BRF1: variants seen among roughly 807,000 people sequenced by gnomAD.
BRF1 encodes the protein BRF1 general transcription factor IIIB subunit.
Under a neutral mutation model 81.7 loss-of-function variants are expected in BRF1, and 59 were observed. The observed-to-expected ratio is 0.72, with a 90% confidence interval of 0.59 to 0.90. The LOEUF is 0.90. BRF1 is among the 40% of genes least tolerant of loss of function. BRF1 has a pLI of 0.00. For missense variants in BRF1, 1,050 were observed against 936.3 expected (o/e 1.12, Z -1.58); for synonymous variants, 491 against 395.6 (o/e 1.24, Z -2.86).
Position 105,219,252 on chromosome 14 carries a change from T to C in BRF1, c.1378-20A>G. 2 of 1,608,150 alleles carry C rather than the reference T, an allele frequency of 1.2e-6. No homozygotes were observed. The highest frequency in any genetic ancestry group is 1.3e-5 in the African/African-American group (1 of 74,934). ...GATGTACTGGGCGAGCACAGGGAAG[T>C]GGGGCTGGCTTTTAGCCTTCGCACA... is the stretch of plus-strand genomic sequence containing the variant. On this transcript the variant is annotated intron_variant, in intron 12 of 17. Coordinates refer to ENST00000547530, the MANE Select transcript of BRF1 (RefSeq NM_001519.4).
At chr14:105,245,885 C>A (rs1244072666) in intron 5 of BRF1, among the ~76,000 whole-genome samples, 2 of 152,140 alleles carry the variant, frequency 1.3e-5, no homozygotes, top group African/African-American at 4.8e-5. Flanking sequence ...AACATGACAC[C>A]AACAGCAAGG....
chr14:105,296,811 A>C (rs587741262), intron 1 of BRF1, among the ~76,000 whole-genome samples: 3 of 152,326 alleles, frequency 2.0e-5, no homozygotes, highest in Admixed American at 6.5e-5. Flanking sequence ...AACTAAATTA[A>C]AAAAATTCCA....
intron 2 of BRF1, 128 bp downstream of exon 2, chr14:105,286,168 G>T: frequency 9.5e-7 from 1 of 1,055,666 alleles, no homozygotes; most frequent in Non-Finnish European, 1.4e-6. Context: ...CCTGGGCTGG[G>T]CGTGCAGGGT....
upstream of BRF1, chr14:105,301,081 G>C (rs1002183523): frequency 6.6e-6 from 1 of 151,678 alleles, no homozygotes; most frequent in Non-Finnish European, 1.5e-5. Flanking sequence ...GCGACACCGG[G>C]GACTAGAGCT....
At chr14:105,248,809 C>T in intron 5 of BRF1, 2 of 984,136 alleles carry the variant, frequency 2.0e-6, no homozygotes, top group Non-Finnish European at 2.4e-6. Flanking sequence ...CGGCGCGGCG[C>T]GAGGGCGCGG....
At chr14:105,261,303 C>T (rs1239176029) in intron 3 of BRF1, among the ~76,000 whole-genome samples, 2 of 152,246 alleles carry the variant, frequency 1.3e-5, no homozygotes, top group Admixed American at 6.5e-5. Flanking sequence ...CAGAGGCCCA[C>T]GCGAGGCTCC....
intron 4 of BRF1, among the ~76,000 whole-genome samples, chr14:105,253,689 G>C (rs1474100145): frequency 6.6e-6 from 1 of 152,230 alleles, no homozygotes. Context: ...TGGGAGGGCT[G>C]GGCCCCCACA....
chr14:105,286,134 G>C (rs988836227), intron 2 of BRF1, among the ~76,000 whole-genome samples, 162 bp downstream of exon 2: 5 of 152,192 alleles, frequency 3.3e-5, no homozygotes, highest in African/African-American at 1.2e-4. Flanking sequence ...GGGGACTCAG[G>C]GCACAATTCC....
rs2057233178 is a variant in BRF1, at chr14:105,284,290, C to G, written c.265+2006G>C. On this transcript the variant is annotated intron_variant, in intron 2 of 17. Coordinates refer to ENST00000547530, the MANE Select transcript of BRF1 (RefSeq NM_001519.4). The surrounding 1 kb of genome is among the most constrained non-coding windows in gnomAD (Gnocchi z 4.0). ...CAGGAAGAAAGGCGCTGACTATACT[C>G]CTCTACTAGTAAGTCCACAGCAGGA... Among the ~76,000 whole-genome samples, 1 of 152,134 alleles carries G rather than the reference C, an allele frequency of 6.6e-6. No individual in the cohort carries two copies. Among genetic ancestry groups the G allele is most frequent in the Non-Finnish European group, 1.5e-5 (1 of 68,026 alleles).
intron 3 of BRF1, among the ~76,000 whole-genome samples, chr14:105,267,835 C>G (rs2056488550): frequency 6.6e-6 from 1 of 152,216 alleles, no homozygotes; most frequent in Non-Finnish European, 1.5e-5. Flanking sequence ...ATCCCAGACC[C>G]CAGAATGGAA....
At chr14:105,213,855 G>A (rs1293238750) in intron 15 of BRF1, among the ~76,000 whole-genome samples, 1 of 152,186 alleles carries the variant, frequency 6.6e-6, no homozygotes, top group African/African-American at 2.4e-5. Context: ...TGGGGTCTGC[G>A]GGCTAGCTGG....
intron 1 of BRF1, among the ~76,000 whole-genome samples, chr14:105,291,250 T>C (rs1350896903): frequency 6.6e-6 from 1 of 152,082 alleles, no homozygotes; most frequent in Non-Finnish European, 1.5e-5. Context: ...CAACACCCCA[T>C]ACCGCCGAAC....
At chr14:105,214,896 G>GTGAAAA (rs1424130878) in intron 15 of BRF1, among the ~76,000 whole-genome samples, 2 of 152,154 alleles carry the variant, frequency 1.3e-5, no homozygotes, top group Non-Finnish European at 2.9e-5. Flanking sequence ...CCGAGTGTGG[G>GTGAAAA]TGAAAAGCTG....
intron 3 of BRF1, among the ~76,000 whole-genome samples, chr14:105,267,207 G>A (rs183349494): frequency 5.9e-5 from 9 of 152,368 alleles, no homozygotes; most frequent in Admixed American, 4.6e-4. Flanking sequence ...CTAAACCTCT[G>A]CTACGCCAGC....
In BRF1 at chr14:105,210,407, G is replaced by A. The variant is rs1889927828; in HGVS notation, c.*144C>T. 1 of 816,436 alleles carries A rather than the reference G, an allele frequency of 1.2e-6. No homozygotes were observed. Among genetic ancestry groups the A allele is most frequent in the Admixed American group, 2.5e-5 (1 of 39,950 alleles). The allele number at this position is 816,436 out of a possible 1,614,324, so 50.6% of individuals were successfully genotyped here. On this transcript the variant is annotated 3_prime_UTR_variant, in exon 18 of 18. Coordinates refer to ENST00000547530, the MANE Select transcript of BRF1 (RefSeq NM_001519.4). This position sits in a 1 kb window ranked among gnomAD's most constrained non-coding sequence, Gnocchi z 4.7. ...ACAATCCCAATGGTAAGTTCCACATGGGACGAGGGCTGTGGGACAGGTGCC... is the reference window on the plus strand; with the variant it reads ...ACAATCCCAATGGTAAGTTCCACATAGGACGAGGGCTGTGGGACAGGTGCC...
intron 1 of BRF1, among the ~76,000 whole-genome samples, chr14:105,292,641 G>A (rs1306839133): frequency 1.3e-5 from 2 of 152,204 alleles, no homozygotes; most frequent in Non-Finnish European, 2.9e-5. Flanking sequence ...GTGCATCCCT[G>A]AGAGCTGGGG....
At chr14:105,229,470 C>T (rs587624164) in intron 6 of BRF1, among the ~76,000 whole-genome samples, 83 of 152,312 alleles carry the variant, frequency 5.4e-4, no homozygotes, top group Non-Finnish European at 6.6e-4. Flanking sequence ...GGTAAGGGCC[C>T]GGATGAGGAG....
At chr14:105,215,099 T>G (rs867574101) in intron 15 of BRF1, among the ~76,000 whole-genome samples, 1 of 152,032 alleles carries the variant, frequency 6.6e-6, no homozygotes, top group South Asian at 2.1e-4. Context: ...CATGGCCATG[T>G]TGGGGGGAAG....
At chr14:105,220,280 C>G (rs1339041348) in intron 11 of BRF1, 150 bp from the exon 12 acceptor site, 5 of 765,542 alleles carry the variant, frequency 6.5e-6, no homozygotes, top group Non-Finnish European at 1.1e-5. Context: ...CGCGCCCTGT[C>G]TGCCCACATG....
Sources: allele counts gnomAD v4.1 joint callset (sites outside exome capture counted in the v4.1 genomes callset), GRCh38; gene constraint gnomAD v4.1.1; non-coding constraint Gnocchi (gnomAD v3.1); transcripts MANE v1.5; gene names NCBI Gene and HGNC (gene_info 2026-07-23, HGNC 2026-07-21).